Variants in WDR41 observed in about 807,000 individuals in gnomAD.
WDR41 encodes WD repeat domain 41.
WDR41 carries 63 observed loss-of-function variants against 69.3 expected under a neutral mutation model. The observed-to-expected ratio is 0.91, with a 90% CI of 0.74 to 1.12. The LOEUF is 1.12. WDR41 is among the 50% of genes most tolerant of loss of function. The pLI is 0.00. For missense variants in WDR41, 543 were observed against 534.5 expected, an observed-to-expected ratio of 1.02 and a Z score of -0.16; for synonymous variants, 185 against 192.1, an observed-to-expected ratio of 0.96 and a Z score of 0.31.
intron 1 of WDR41, among the ~76,000 whole-genome samples, chr5:77,531,892 C>T (rs1309721521): frequency 1.3e-5 from 2 of 151,844 alleles, no homozygotes; most frequent in Admixed American, 6.6e-5. Context: ...ATAAAATATC[C>T]AAAAGAGGTT....
chr5:77,554,781 A>T (rs1437063782), intron 1 of WDR41, among the ~76,000 whole-genome samples: 1 of 151,668 alleles, frequency 6.6e-6, no homozygotes, highest in African/African-American at 2.4e-5. Context: ...ACTGTTTAGT[A>T]TCTTGAACAG....
rs571734337 is a variant in WDR41, at chr5:77,442,620, C to A, written c.698-1623G>T. 8.1e-4 allele frequency among the ~76,000 whole-genome samples: 123 copies of A among 151,944 alleles called. 1 individual carries two copies. The highest frequency in any genetic ancestry group is 2.9e-3 in the African/African-American group (119 of 41,464). On this transcript the variant is annotated intron_variant, in intron 8 of 12. Coordinates refer to ENST00000296679, the MANE Select transcript of WDR41 (RefSeq NM_018268.4). ...TAAAACCTTTAAAAAAAGCCGGGTGCGGTGGCTCACACCTGTAATCCCAGC... is the reference window on the plus strand; with the variant it reads ...TAAAACCTTTAAAAAAAGCCGGGTGAGGTGGCTCACACCTGTAATCCCAGC...
rs766381700 is a variant in WDR41 at position 77,433,233 on chromosome 5, T to C, written c.1282A>G (p.Ile428Val). The change falls in exon 13 of 13, where the codon ATT (isoleucine) becomes GTT (valine). Residue 428 changes from isoleucine (I) to valine (V), a missense_variant. Ile to Val is a conservative substitution (Grantham distance 29). Transcript: ENST00000296679. ...CGCTCTCCATTTTTCCACAAAATAATGAGATGATCAGCGGAGCACGTCACT... is the reference window on the plus strand; with the variant it reads ...CGCTCTCCATTTTTCCACAAAATAACGAGATGATCAGCGGAGCACGTCACT... The part of the protein sequence containing the change: ...GLVTCSADHL[I>V]ILWKNGERES... 4.3e-6 allele frequency: 7 copies of C among 1,613,976 alleles called. No homozygotes were observed. The highest frequency in any genetic ancestry group is 5.9e-6 in the Non-Finnish European group (7 of 1,179,904).
chr5:77,433,974 G>A (rs191069554), intron 12 of WDR41, among the ~76,000 whole-genome samples: 9 of 152,320 alleles, frequency 5.9e-5, no homozygotes, highest in African/African-American at 1.7e-4. Context: ...ATGGGGTGAA[G>A]AGTTGTATCA....
At chr5:77,572,088 G>A (rs867674855) in intron 1 of WDR41, among the ~76,000 whole-genome samples, 3 of 151,920 alleles carry the variant, frequency 2.0e-5, no homozygotes, top group Non-Finnish European at 4.4e-5. Context: ...AATATGAAAG[G>A]GAGTTAGGAA....
chr5:77,550,410 C>T (rs1743275850), intron 1 of WDR41, among the ~76,000 whole-genome samples: 1 of 152,104 alleles, frequency 6.6e-6, no homozygotes. Flanking sequence ...AAAAACCAAA[C>T]ATTCCCTTTA....
chr5:77,604,812 T>C (rs189741202), intron 1 of WDR41, among the ~76,000 whole-genome samples: 1 of 151,976 alleles, frequency 6.6e-6, no homozygotes, highest in South Asian at 2.1e-4. Flanking sequence ...TTAAAAAAAA[T>C]GAGAAAGCTC....
intron 3 of WDR41, 43 bp downstream of exon 3, chr5:77,464,718 C>T (rs748374527): frequency 4.4e-6 from 7 of 1,588,368 alleles, no homozygotes; most frequent in Non-Finnish European, 6.0e-6. Flanking sequence ...TCAACTACAT[C>T]ATCATATCTT....
intron 2 of WDR41, among the ~76,000 whole-genome samples, chr5:77,477,851 A>G (rs1801020353): frequency 7.1e-6 from 1 of 141,250 alleles, no homozygotes; most frequent in South Asian, 2.4e-4. Context: ...ACATAGAGAC[A>G]CAAAAAACCC....
chr5:77,575,720 A>G (rs2112281431), intron 1 of WDR41, among the ~76,000 whole-genome samples: 1 of 152,128 alleles, frequency 6.6e-6, no homozygotes, highest in East Asian at 1.9e-4. Context: ...GTGTGTCATG[A>G]TGTAGAAAAA....
intron 1 of WDR41, among the ~76,000 whole-genome samples, chr5:77,619,615 T>C (rs1744739389): frequency 6.6e-6 from 1 of 151,986 alleles, no homozygotes; most frequent in South Asian, 2.1e-4. Context: ...GGACTACCTG[T>C]CTAGAGGGAA....
intron 3 of WDR41, among the ~76,000 whole-genome samples, chr5:77,463,640 A>G (rs1457982768): frequency 6.6e-6 from 1 of 152,200 alleles, no homozygotes; most frequent in African/African-American, 2.4e-5. Flanking sequence ...TAACAACTGT[A>G]TATGTACCTA....
intron 4 of WDR41, among the ~76,000 whole-genome samples, chr5:77,459,782 A>G (rs966520470): frequency 6.6e-6 from 1 of 152,268 alleles, no homozygotes; most frequent in Non-Finnish European, 1.5e-5. Context: ...TGTATTAAAA[A>G]TTGAAACTAA....
rs1289631799 is a variant in WDR41 at position 77,502,595 on chromosome 5, A to G, written c.43-13023T>C. Among the ~76,000 whole-genome samples, 6 of 152,266 alleles carry G rather than the reference A, an allele frequency of 3.9e-5. No homozygotes were observed. In the East Asian group the frequency reaches 5.8e-4, roughly 15 times the overall value. Reference sequence around the variant, plus strand: ...AGATTCACCAAGGTTGAAATGAATGAAAAAATGTTAAGGGCAGCCAGAGAG... The same window carrying G: ...AGATTCACCAAGGTTGAAATGAATGGAAAAATGTTAAGGGCAGCCAGAGAG... On this transcript the variant is annotated intron_variant, in intron 1 of 5. Transcript: ENST00000509971.
intron 1 of WDR41, among the ~76,000 whole-genome samples, chr5:77,550,671 T>C (rs1377926206): frequency 6.6e-6 from 1 of 152,180 alleles, no homozygotes; most frequent in African/African-American, 2.4e-5. Context: ...TGGAATGCAG[T>C]TTGGAGATTT....
chr5:77,476,231 C>T (rs1018369500), intron 2 of WDR41, among the ~76,000 whole-genome samples: 1 of 152,076 alleles, frequency 6.6e-6, no homozygotes, highest in Non-Finnish European at 1.5e-5. Context: ...AGAATGGAAC[C>T]AAACTGGAAA....
intron 4 of WDR41, among the ~76,000 whole-genome samples, chr5:77,460,026 C>G (rs1377985096): frequency 6.6e-6 from 1 of 152,154 alleles, no homozygotes. Context: ...AAAAAGTCAT[C>G]TGGCAACACA....
intron 1 of WDR41, among the ~76,000 whole-genome samples, chr5:77,584,925 T>A (rs1280838560): frequency 6.6e-6 from 1 of 152,176 alleles, no homozygotes; most frequent in Non-Finnish European, 1.5e-5. Context: ...AAGGATTTCA[T>A]GACCAAGAGC....
At chr5:77,442,559 T>C (rs1405178111) in intron 8 of WDR41, among the ~76,000 whole-genome samples, 2 of 152,090 alleles carry the variant, frequency 1.3e-5, no homozygotes, top group East Asian at 3.9e-4. Context: ...TTTTCATATT[T>C]TTCTACTATG....
Sources: allele counts gnomAD v4.1 joint callset (sites outside exome capture counted in the v4.1 genomes callset), GRCh38; gene constraint gnomAD v4.1.1; transcripts MANE v1.5; gene names NCBI Gene and HGNC (gene_info 2026-07-23, HGNC 2026-07-21).